The following ERLIN1 variants were observed in gnomAD, a reference collection of about 807,000 sequenced individuals.
The protein encoded by ERLIN1 is erlin-1.
In ERLIN1, 24 loss-of-function variants were observed where a neutral mutation model predicts 46.9. The ratio of observed to expected loss-of-function variants is 0.51; its 90% CI spans 0.37 to 0.72. ERLIN1 has a LOEUF of 0.72. ERLIN1 is among the 30% of genes least tolerant of loss of function. ERLIN1 has a pLI of 0.00. For missense variants in ERLIN1, 293 were observed against 417.9 expected (o/e 0.70, Z 2.61); for synonymous variants, 158 against 143.2 (o/e 1.10, Z -0.74).
chr10:100,165,625 A>G (rs1435531970), intron 7 of ERLIN1, among the ~76,000 whole-genome samples: 3 of 152,084 alleles, frequency 2.0e-5, no homozygotes, highest in Non-Finnish European at 4.4e-5. Context: ...TGACCTCGTG[A>G]TCCGCCCACC....
chr10:100,153,098 A>G (rs1842892675), intron 10 of ERLIN1, among the ~76,000 whole-genome samples: 1 of 152,208 alleles, frequency 6.6e-6, no homozygotes, highest in African/African-American at 2.4e-5. Context: ...TTATCTTATC[A>G]TTAGCTGTGA....
intron 8 of ERLIN1, among the ~76,000 whole-genome samples, chr10:100,157,378 C>T (rs1843135839): frequency 6.6e-6 from 1 of 152,160 alleles, no homozygotes; most frequent in Non-Finnish European, 1.5e-5. Context: ...ACTCAACACC[C>T]TTAATAAACC....
chr10:100,167,265 T>C (rs749647493), intron 7 of ERLIN1, 83 bp downstream of exon 7: 4 of 972,090 alleles, frequency 4.1e-6, no homozygotes, highest in Non-Finnish European at 6.6e-6. Context: ...GAGTGTATTG[T>C]CTCACATGTT....
intron 7 of ERLIN1, among the ~76,000 whole-genome samples, chr10:100,166,678 C>T (rs1481801312): frequency 6.6e-6 from 1 of 152,184 alleles, no homozygotes; most frequent in East Asian, 1.9e-4. Flanking sequence ...TTTAACACAT[C>T]AGCCAAATTT....
chr10:100,184,393 A>C (rs1208155652), intron 1 of ERLIN1, among the ~76,000 whole-genome samples: 2 of 152,230 alleles, frequency 1.3e-5, no homozygotes, highest in Non-Finnish European at 2.9e-5. Context: ...AGACTATACA[A>C]ATAAATAGCA....
At chr10:100,182,321 C>A (rs778189216) in intron 2 of ERLIN1, among the ~76,000 whole-genome samples, 2 of 151,872 alleles carry the variant, frequency 1.3e-5, no homozygotes, top group Admixed American at 1.3e-4. Flanking sequence ...TGAGCCACTG[C>A]GCCGGGCCTT....
chr10:100,176,508 G>T (rs1036975872), intron 4 of ERLIN1, among the ~76,000 whole-genome samples: 1 of 152,142 alleles, frequency 6.6e-6, no homozygotes, highest in Non-Finnish European at 1.5e-5. Context: ...AGAGAGACTA[G>T]GCAAACTGAG....
chr10:100,163,932 C>G, intron 8 of ERLIN1, 72 bp downstream of exon 8: 1 of 1,001,190 alleles, frequency 1.0e-6, no homozygotes, highest in Admixed American at 2.1e-5. Context: ...CCATGATACC[C>G]AAAATGAGAC....
intron 1 of ERLIN1, 33 bp downstream of exon 1, chr10:100,185,481 C>G: frequency 6.6e-7 from 1 of 1,520,728 alleles, no homozygotes; most frequent in Non-Finnish European, 9.1e-7. Context: ...TTAATCTGCT[C>G]TAGAGCCCTA....
rs761968744 is a variant in ERLIN1, at chr10:100,183,819, A to G, written c.132T>C (p.Thr44=). 3 of 1,612,910 alleles carry G rather than the reference A, an allele frequency of 1.9e-6. No homozygotes were observed. The East Asian group carries it at 6.7e-5, about 36-fold the overall frequency. Reference sequence around the variant, plus strand: ...TATGATAGCCTGGTCCACTGGGGCTAGTTAGTAAAGCTCCTCCCCTGCAAA... The same window carrying G: ...TATGATAGCCTGGTCCACTGGGGCTGGTTAGTAAAGCTCCTCCCCTGCAAA... ...AVYYRGGALL[T]SPSGPGYHIM... The change falls in exon 2 of 11, where the codon ACT becomes ACC. Residue 44 remains threonine (T), a synonymous_variant. Coordinates refer to ENST00000421367, the MANE Select transcript of ERLIN1 (RefSeq NM_006459.4).
chr10:100,184,110 C>A (rs1844822324), intron 1 of ERLIN1, among the ~76,000 whole-genome samples: 1 of 152,184 alleles, frequency 6.6e-6, no homozygotes, highest in Non-Finnish European at 1.5e-5. Context: ...TCAAAGGATT[C>A]TCCTCGGTCT....
At chr10:100,174,374 A>G (rs1462667408) in intron 5 of ERLIN1, 93 bp from the exon 6 acceptor site, 1 of 922,850 alleles carries the variant, frequency 1.1e-6, no homozygotes, top group Non-Finnish European at 1.7e-6. Flanking sequence ...TATTAGACCT[A>G]AAGTTTCCAC....
intron 2 of ERLIN1, among the ~76,000 whole-genome samples, chr10:100,180,259 C>A (rs1339486190): frequency 6.6e-6 from 1 of 152,142 alleles, no homozygotes; most frequent in African/African-American, 2.4e-5. Flanking sequence ...TGAGTACATT[C>A]TAGACATACT....
chr10:100,174,962 C>T (rs1844208682), intron 5 of ERLIN1, among the ~76,000 whole-genome samples: 1 of 152,172 alleles, frequency 6.6e-6, no homozygotes, highest in South Asian at 2.1e-4. Context: ...TCCTCACATG[C>T]CACTTCAGTG....
intron 5 of ERLIN1, among the ~76,000 whole-genome samples, chr10:100,174,779 T>C (rs1050619308): frequency 2.6e-5 from 4 of 152,208 alleles, no homozygotes; most frequent in African/African-American, 9.6e-5. Flanking sequence ...CTCACTGTTA[T>C]TTTGGATTTA....
chr10:100,157,036 A>C (rs1189338757), intron 8 of ERLIN1, among the ~76,000 whole-genome samples: 2 of 152,182 alleles, frequency 1.3e-5, no homozygotes, highest in East Asian at 3.8e-4. Flanking sequence ...CAAAAACAAA[A>C]AAAAGAAAGA....
At chr10:100,154,468 G>A (rs969070246) in intron 10 of ERLIN1, among the ~76,000 whole-genome samples, 1 of 152,156 alleles carries the variant, frequency 6.6e-6, no homozygotes, top group South Asian at 2.1e-4. Context: ...CTTCAACAAT[G>A]AAAAAGTATC....
chr10:100,153,828 G>A (rs1276341701), intron 10 of ERLIN1, among the ~76,000 whole-genome samples: 1 of 152,142 alleles, frequency 6.6e-6, no homozygotes, highest in Admixed American at 6.5e-5. Flanking sequence ...TTCCTCAACT[G>A]GAGTTTCCTG....
intron 1 of ERLIN1, among the ~76,000 whole-genome samples, chr10:100,184,727 T>C (rs918012082): frequency 6.6e-6 from 1 of 152,224 alleles, no homozygotes; most frequent in Non-Finnish European, 1.5e-5. Flanking sequence ...TAGAGCTCCA[T>C]CTGCTAAGAT....
Sources: allele counts gnomAD v4.1 joint callset (sites outside exome capture counted in the v4.1 genomes callset), GRCh38; gene constraint gnomAD v4.1.1; transcripts MANE v1.5; gene names NCBI Gene and HGNC (gene_info 2026-07-23, HGNC 2026-07-21).